Variants in DNAAF9 observed in about 807,000 individuals in gnomAD.
DNAAF9 encodes dynein axonemal assembly factor 9, also known as shulin.
A neutral mutation model predicts 167.0 loss-of-function variants in DNAAF9; 90 were observed. That is an observed-to-expected ratio of 0.54 (90% CI 0.45 to 0.64). The LOEUF is 0.64. Among genes scored for constraint, DNAAF9 ranks in the 30% least tolerant of loss-of-function variants. The pLI is 0.00. For synonymous variants in DNAAF9, 491 were observed against 508.8 expected (o/e 0.96, Z 0.47); for missense variants, 1,315 against 1,442.2 (o/e 0.91, Z 1.43).
At chr20:3,348,153 TA>T (rs1294679598) in intron 8 of DNAAF9, among the ~76,000 whole-genome samples, 3 of 152,144 alleles carry the variant, frequency 2.0e-5, no homozygotes, top group African/African-American at 7.2e-5. Flanking sequence ...ATGAGCCTGG[TA>T]ACTGCTGACT....
Position 3,298,050 on chromosome 20 carries a change from T to C in DNAAF9, c.1908A>G (p.Ile636Met). 1.2e-6 allele frequency: 2 copies of C among 1,613,320 alleles called. No homozygotes were observed. Among genetic ancestry groups the C allele is most frequent in the Non-Finnish European group, 1.7e-6 (2 of 1,179,220 alleles). Residue 636 changes from isoleucine to methionine, a missense_variant, in exon 22 of 37, where the codon ATA becomes ATG. Ile to Met is a conservative substitution (Grantham distance 10, BLOSUM62 1). Coordinates refer to ENST00000252032, the MANE Select transcript of DNAAF9 (RefSeq NM_001009984.3). ...LMIALFPKSKIYQAFYSEVFS... is the reference protein window; with the variant it reads ...LMIALFPKSKMYQAFYSEVFS... ...TTACCTCTGAGTAAAATGCTTGGTATATCTTCGATTTGGGGAAAAGGGCAA... is the reference window on the plus strand; with the variant it reads ...TTACCTCTGAGTAAAATGCTTGGTACATCTTCGATTTGGGGAAAAGGGCAA...
intron 23 of DNAAF9, chr20:3,295,893 CGTCAATTG>C (rs2069066730): frequency 4.7e-6 from 6 of 1,270,464 alleles, no homozygotes; most frequent in Non-Finnish European, 6.9e-6. Flanking sequence ...CAGCCAGTGC[CGTCAATTG>C]AATGTTCTCT....
At chr20:3,258,280 T>C (rs886690773) in intron 33 of DNAAF9, among the ~76,000 whole-genome samples, 5 of 152,174 alleles carry the variant, frequency 3.3e-5, no homozygotes, top group African/African-American at 1.2e-4. Flanking sequence ...ATTAGTGGGC[T>C]TGGGTGTGGG....
At chr20:3,370,824 C>T (rs1199006901) in intron 6 of DNAAF9, among the ~76,000 whole-genome samples, 4 of 152,176 alleles carry the variant, frequency 2.6e-5, no homozygotes, top group Admixed American at 2.6e-4. Context: ...CAAGTGTGAG[C>T]CACTCACCAG....
At chr20:3,292,583 T>C (rs1360833434) in intron 25 of DNAAF9, among the ~76,000 whole-genome samples, 1 of 150,588 alleles carries the variant, frequency 6.6e-6, no homozygotes, top group Non-Finnish European at 1.5e-5. Flanking sequence ...CCTGGCAACA[T>C]GGTGAAACTC....
chr20:3,319,535 G>A (rs2069577845), intron 16 of DNAAF9, among the ~76,000 whole-genome samples: 1 of 152,154 alleles, frequency 6.6e-6, no homozygotes. Context: ...CATGGGATAA[G>A]TAGCACAAGG....
intron 12 of DNAAF9, among the ~76,000 whole-genome samples, chr20:3,329,418 C>A (rs1301809211): frequency 1.3e-5 from 2 of 152,186 alleles, no homozygotes; most frequent in Non-Finnish European, 2.9e-5. Context: ...CTCGGCCCCC[C>A]AGAGTCCTGG....
chr20:3,290,004 G>A lies in DNAAF9; in HGVS notation c.2327+125C>T, dbSNP rs552508753. 8 of 692,438 alleles carry A rather than the reference G, an allele frequency of 1.2e-5. No homozygotes were observed. The South Asian group carries it at 1.3e-4, about 12-fold the overall frequency. 42.9% of individuals were successfully genotyped at this position (692,438 alleles called of 1,614,324 possible). A position where few individuals can be genotyped will look rare whatever the true frequency, so the allele number is the denominator to read the frequency against. ...AAGTGCTCAGAAGAGCATATTAAAT[G>A]AATGGCTGACTACCATGCTGATACC... On this transcript the variant is annotated intron_variant, in intron 26 of 36. Coordinates refer to ENST00000252032, the MANE Select transcript of DNAAF9 (RefSeq NM_001009984.3).
chr20:3,344,136 A>T lies in DNAAF9; in HGVS notation c.790-405T>A, dbSNP rs187405272. Among the ~76,000 whole-genome samples, 1,087 of 152,282 alleles carry T rather than the reference A, an allele frequency of 7.1e-3. 17 individuals carry two copies. Among genetic ancestry groups the T allele is most frequent in the African/African-American group, 0.024 (977 of 41,556 alleles). Reference sequence around the variant, plus strand: ...TTGCTAATCATGTGGAGATTTTTTTAAAAAAATGTCTTCTACATTTCCAAT... The same window carrying T: ...TTGCTAATCATGTGGAGATTTTTTTTAAAAAATGTCTTCTACATTTCCAAT... On this transcript the variant is annotated intron_variant, in intron 8 of 36. Coordinates refer to ENST00000252032, the MANE Select transcript of DNAAF9 (RefSeq NM_001009984.3).
intron 14 of DNAAF9, among the ~76,000 whole-genome samples, chr20:3,323,877 T>C (rs1228013982): frequency 1.3e-5 from 2 of 152,124 alleles, no homozygotes; most frequent in East Asian, 3.9e-4. Flanking sequence ...CTTTACAAGG[T>C]GGGTAGCTGA....
At chr20:3,340,956 C>T (rs75021210) in intron 9 of DNAAF9, among the ~76,000 whole-genome samples, 3,854 of 152,108 alleles carry the variant, frequency 0.025, 72 homozygotes, top group African/African-American at 0.04. Flanking sequence ...AGCAAAACTC[C>T]GGTATTATAA....
At chr20:3,270,334 G>A (rs906863773) in intron 30 of DNAAF9, 93 bp downstream of exon 30, 15 of 1,208,028 alleles carry the variant, frequency 1.2e-5, no homozygotes, top group Non-Finnish European at 1.7e-5. Flanking sequence ...CAAATGTTTA[G>A]GTCTTAGATA....
At chr20:3,317,974 C>T (rs1262690868) in intron 17 of DNAAF9, among the ~76,000 whole-genome samples, 1 of 152,042 alleles carries the variant, frequency 6.6e-6, no homozygotes, top group African/African-American at 2.4e-5. Flanking sequence ...TTTTTGTTTT[C>T]CACGTCTGTG....
At chr20:3,333,734 G>A (rs567896888) in intron 10 of DNAAF9, among the ~76,000 whole-genome samples, 21 of 152,014 alleles carry the variant, frequency 1.4e-4, no homozygotes, top group African/African-American at 4.6e-4. Flanking sequence ...TTGAGTTAAA[G>A]TCACATGGTT....
Position 3,252,496 on chromosome 20 carries a change from C to G in DNAAF9, c.*76G>C, listed in dbSNP as rs6037516. The G allele has an allele frequency of 0.21, 177,330 of 825,096 alleles. 20,429 individuals carry two copies. Among genetic ancestry groups the G allele is most frequent in the African/African-American group, 0.37 (22,208 of 59,802 alleles). The allele number at this position is 825,096 out of a possible 1,614,324, so 51.1% of individuals were successfully genotyped here. ...AGCCCCTTAAGGGAGAGGCCTCCAGCAGAGCTGAGGTTAAGACACCCGTTC... is the reference window on the plus strand; with the variant it reads ...AGCCCCTTAAGGGAGAGGCCTCCAGGAGAGCTGAGGTTAAGACACCCGTTC... On this transcript the variant is annotated 3_prime_UTR_variant, in exon 37 of 37. Coordinates refer to ENST00000252032, the MANE Select transcript of DNAAF9 (RefSeq NM_001009984.3).
Position 3,375,106 on chromosome 20 carries a change from T to C in DNAAF9, c.429A>G (p.Ala143=). The C allele has an allele frequency of 6.2e-7, 1 of 1,608,754 alleles. No individual in the cohort carries two copies. The highest frequency in any genetic ancestry group is 1.7e-5 in the Admixed American group (1 of 60,024). ...TENEYEDEEA[A]EEFKITSFVD... ...CAAAGCTGGTAATTTTAAATTCTTC[T>C]GCGGCTTCTTCATCTTCATACTGAA... Residue 143 remains alanine, a synonymous_variant, in exon 5 of 37, where the codon GCA becomes GCG. Transcript: ENST00000252032.
At chr20:3,378,247 G>C (rs1042920193) in intron 3 of DNAAF9, among the ~76,000 whole-genome samples, 1 of 152,180 alleles carries the variant, frequency 6.6e-6, no homozygotes, top group African/African-American at 2.4e-5. Flanking sequence ...TCAGACATCA[G>C]TGTCTAAAGC....
chr20:3,326,176 G>A (rs1568605976), intron 13 of DNAAF9, 21 bp downstream of exon 13: 16 of 1,458,040 alleles, frequency 1.1e-5, no homozygotes, highest in Non-Finnish European at 1.5e-5. Context: ...TACAGAAAGG[G>A]AAACATGGTA....
Position 3,251,649 on chromosome 20 carries a change from G to A in DNAAF9, c.*923C>T, listed in dbSNP as rs550532356. On this transcript the variant is annotated 3_prime_UTR_variant, in exon 37 of 37. Transcript: ENST00000252032. ...CGGGGGGATGAGTTTCCTGAAGTTT[G>A]TGGCTGAAAAGCAGGCCTTCCTTGG... The A allele has an allele frequency of 6.6e-6, 1 of 152,496 alleles. No homozygotes were observed. Among genetic ancestry groups the A allele is most frequent in the African/African-American group, 2.4e-5 (1 of 41,592 alleles). The allele number at this position is 152,496 out of a possible 1,614,324, so 9.4% of individuals were successfully genotyped here. A position where few individuals can be genotyped will look rare whatever the true frequency, so the allele number is the denominator to read the frequency against.
Sources: allele counts gnomAD v4.1 joint callset (sites outside exome capture counted in the v4.1 genomes callset), GRCh38; gene constraint gnomAD v4.1.1; transcripts MANE v1.5; gene names NCBI Gene and HGNC (gene_info 2026-07-23, HGNC 2026-07-21).